Variants in RANBP2 observed in about 807,000 individuals in gnomAD.
The protein encoded by RANBP2 is RAN binding protein 2, also known as E3 SUMO-protein ligase RanBP2.
RANBP2 carries 57 observed loss-of-function variants against 303.6 expected under a neutral mutation model. That is an observed-to-expected ratio of 0.19 (90% CI 0.15 to 0.23). The LOEUF is 0.23. Ranked by LOEUF, RANBP2 falls within the 10% of genes least tolerant of loss-of-function variation. RANBP2 has a pLI of 1.00. For missense variants in RANBP2, 3,138 were observed against 3,780.8 expected (o/e 0.83, Z 4.46); for synonymous variants, 1,167 against 1,301.5 (o/e 0.90, Z 2.23).
intron 6 of RANBP2, among the ~76,000 whole-genome samples, chr2:108,737,745 G>A (rs1363519908): frequency 1.7e-4 from 22 of 130,422 alleles, no homozygotes; most frequent in African/African-American, 6.6e-4. Context: ...ACAGAGTCTC[G>A]CTCTGTCACC....
At chr2:109,433,703 A>G in the RANBP2 span, among the ~76,000 whole-genome samples, 3 of 152,214 alleles carry the variant, frequency 2.0e-5, no homozygotes, top group African/African-American at 7.2e-5. Context: ...TCGCAAGGCA[A>G]TCTTCAGCCA....
At chr2:108,996,036 AAGTCTGCT>A in the RANBP2 span, among the ~76,000 whole-genome samples, 2 of 152,248 alleles carry the variant, frequency 1.3e-5, no homozygotes, top group African/African-American at 4.8e-5. Flanking sequence ...AGGTTTAAGA[AAGTCTGCT>A]TTATGGCAAT....
At chr2:108,871,615 A>T in the RANBP2 span, among the ~76,000 whole-genome samples, 3 of 152,112 alleles carry the variant, frequency 2.0e-5, no homozygotes, top group African/African-American at 7.2e-5. Flanking sequence ...CATTTTTTGT[A>T]CATTGTTTAT....
the RANBP2 span, among the ~76,000 whole-genome samples, chr2:109,626,425 C>T: frequency 9.9e-5 from 15 of 151,912 alleles, no homozygotes; most frequent in East Asian, 5.8e-4. Flanking sequence ...GCTGAGATTC[C>T]GCCACTGCAC....
the RANBP2 span, among the ~76,000 whole-genome samples, chr2:109,526,812 C>G: frequency 6.6e-6 from 1 of 152,134 alleles, no homozygotes. Context: ...TGGTGAATTC[C>G]TATTCAACCC....
the RANBP2 span, among the ~76,000 whole-genome samples, chr2:109,197,781 C>T: frequency 6.6e-6 from 1 of 152,214 alleles, no homozygotes; most frequent in Admixed American, 6.5e-5. Context: ...CCTGAGGAAG[C>T]CTGGCATGAA....
At chr2:109,129,471 G>T in the RANBP2 span, 1 of 1,495,390 alleles carries the variant, frequency 6.7e-7, no homozygotes, top group African/African-American at 1.5e-5. Context: ...GATGCTGGCT[G>T]CCGGTGGCGG....
chr2:108,962,537 T>C, the RANBP2 span, among the ~76,000 whole-genome samples: 2 of 151,308 alleles, frequency 1.3e-5, no homozygotes, highest in Non-Finnish European at 2.9e-5. Flanking sequence ...TAGCCGGGCG[T>C]GGTGGCGGGC....
chr2:108,972,227 C>T, the RANBP2 span, among the ~76,000 whole-genome samples: 1 of 152,268 alleles, frequency 6.6e-6, no homozygotes, highest in Non-Finnish European at 1.5e-5. Flanking sequence ...AATACGCCTT[C>T]CAGTCCTTTG....
the RANBP2 span, among the ~76,000 whole-genome samples, chr2:109,321,157 C>T: frequency 6.6e-6 from 1 of 152,244 alleles, no homozygotes; most frequent in African/African-American, 2.4e-5. Flanking sequence ...CATGGATGCA[C>T]CTCTCAAACG....
the RANBP2 span, among the ~76,000 whole-genome samples, chr2:109,085,081 G>A: frequency 3.4e-4 from 51 of 152,200 alleles, no homozygotes; most frequent in African/African-American, 1.2e-3. Context: ...CCTCCTGGCC[G>A]CCAGGTAAGA....
the RANBP2 span, among the ~76,000 whole-genome samples, chr2:109,687,884 C>T: frequency 9.9e-5 from 15 of 152,142 alleles, no homozygotes; most frequent in Middle Eastern, 3.4e-3. Flanking sequence ...GCTGGGACTA[C>T]ACACGTGCAC....
chr2:109,584,024 A>T, the RANBP2 span, among the ~76,000 whole-genome samples: 1 of 152,286 alleles, frequency 6.6e-6, no homozygotes, highest in African/African-American at 2.4e-5. Context: ...AGGCTGAAAA[A>T]CTAACTATTG....
the RANBP2 span, among the ~76,000 whole-genome samples, chr2:109,455,381 C>CA: frequency 6.6e-6 from 1 of 152,214 alleles, no homozygotes; most frequent in African/African-American, 2.4e-5. Context: ...ATCAAGACTG[C>CA]AAACCCAATT....
At chr2:109,646,050 G>T in the RANBP2 span, among the ~76,000 whole-genome samples, 1 of 152,304 alleles carries the variant, frequency 6.6e-6, no homozygotes, top group Non-Finnish European at 1.5e-5. Flanking sequence ...CTACCGGCTG[G>T]GGCCGGAATG....
chr2:108,910,939 G>T, the RANBP2 span: 1 of 1,614,122 alleles, frequency 6.2e-7, no homozygotes, highest in East Asian at 2.2e-5. Flanking sequence ...GCGCATGGGG[G>T]CCGTCACCTG....
At chr2:108,820,710 A>AC in the RANBP2 span, among the ~76,000 whole-genome samples, 1 of 55,970 alleles carries the variant, frequency 1.8e-5, no homozygotes, top group African/African-American at 9.5e-5. Context: ...AAAAAAAAAA[A>AC]AAAAACAAAC....
the RANBP2 span, among the ~76,000 whole-genome samples, chr2:109,092,508 TG>T: frequency 6.6e-6 from 1 of 152,218 alleles, no homozygotes; most frequent in African/African-American, 2.4e-5. Flanking sequence ...GTCAACACCT[TG>T]CAAAATTGAG....
chr2:108,783,743 G>A lies in RANBP2; in HGVS notation c.9517G>A (p.Val3173Ile), dbSNP rs745839957. Residue 3173 changes from valine (V) to isoleucine (I), a missense_variant, in exon 29 of 29, where the codon GTT becomes ATT. Around this residue, in one of 20 missense-constraint regions of RANBP2, gnomAD observed 204 missense variants for 228.4 expected, o/e 0.89. Transcript: ENST00000283195. The part of the protein sequence containing the change: ...QGQNTNNSQF[V>I]ITLKKAEHLD... ...CCAGAATACCAATAATTCTCAATTT[G>A]TTATAACACTGAAGAAAGCAGAACA... 2.2e-5 allele frequency: 36 copies of A among 1,613,146 alleles called. No homozygotes were observed. The Admixed American group carries it at 2.7e-4, about 12-fold the overall frequency.
Sources: gnomAD v4.1 joint callset for allele counts (sites outside exome capture counted in the v4.1 genomes callset) on GRCh38, gnomAD v4.1.1 for gene constraint, gnomAD v4.1.1 regional missense constraint, MANE v1.5 for transcripts, NCBI Gene and HGNC (gene_info 2026-07-23, HGNC 2026-07-21) for gene names.